The following PLG variants were observed in gnomAD, a reference collection of about 807,000 sequenced individuals.
PLG encodes the protein plasmin.
PLG carries 41 observed loss-of-function variants against 104.4 expected under a neutral mutation model. That is an observed-to-expected ratio of 0.39 (90% CI 0.31 to 0.51). The LOEUF (loss-of-function observed/expected upper bound fraction) is 0.51. Ranked by LOEUF, PLG falls within the 20% of genes least tolerant of loss-of-function variation. PLG has a pLI of 0.76. For synonymous variants in PLG, 337 were observed against 357.1 expected, an observed-to-expected ratio of 0.94 and a Z score of 0.63; for missense variants, 891 against 1,003.6, an observed-to-expected ratio of 0.89 and a Z score of 1.52.
chr6:160,709,677 C>T (rs1380954975), intron 3 of PLG, among the ~76,000 whole-genome samples: 1 of 152,182 alleles, frequency 6.6e-6, no homozygotes, highest in Non-Finnish European at 1.5e-5. Context: ...TCTTCCTTGA[C>T]CCCTAGACCT....
intron 17 of PLG, among the ~76,000 whole-genome samples, chr6:160,743,018 T>C (rs1778221235): frequency 2.0e-5 from 3 of 151,448 alleles, no homozygotes; most frequent in South Asian, 4.2e-4. Context: ...TGTCTTTTTT[T>C]TTTTTTTTTT....
At chr6:160,722,787 A>G (rs1358941632) in intron 10 of PLG, among the ~76,000 whole-genome samples, 1 of 152,172 alleles carries the variant, frequency 6.6e-6, no homozygotes, top group Non-Finnish European at 1.5e-5. Flanking sequence ...TGGATGCAGG[A>G]GGACATCTGG....
rs566852719 is a variant in PLG, at chr6:160,738,021, C to G, written c.1803-517C>G. On this transcript the variant is annotated intron_variant, in intron 14 of 18. Coordinates refer to ENST00000308192, the MANE Select transcript of PLG (RefSeq NM_000301.5). The surrounding 1 kb of genome is among the most constrained non-coding windows in gnomAD (Gnocchi z 6.8). The stretch of plus-strand genomic sequence containing the variant: ...ATTATTCTGAGCTATTACCTGCCTA[C>G]GCAGTCCTAGAAAGTAAGTGATTCA... Among the ~76,000 whole-genome samples, 4 of 152,154 alleles carry G rather than the reference C, an allele frequency of 2.6e-5. No individual in the cohort carries two copies. Among genetic ancestry groups the G allele is most frequent in the African/African-American group, 4.8e-5 (2 of 41,420 alleles).
In PLG at chr6:160,726,175, A is replaced by G. The variant is rs1309560893; in HGVS notation, c.1256+3608A>G. Among the ~76,000 whole-genome samples, 1 of 152,144 alleles carries G rather than the reference A, an allele frequency of 6.6e-6. No individual in the cohort carries two copies. The highest frequency in any genetic ancestry group is 1.5e-5 in the Non-Finnish European group (1 of 67,970). On this transcript the variant is annotated intron_variant, in intron 10 of 18. Transcript: ENST00000308192. This position sits in a 1 kb window ranked among gnomAD's most constrained non-coding sequence, Gnocchi z 4.4. ...TCAAGTATGCATGGAGCATTCCCCA[A>G]CATATACCATATGTGTGGGCCTACA...
chr6:160,712,040 A>C, intron 4 of PLG: 3 of 518,816 alleles, frequency 5.8e-6, no homozygotes, highest in Non-Finnish European at 8.3e-6. Context: ...AACACTCAAC[A>C]AATTGCCTTT....
intron 17 of PLG, among the ~76,000 whole-genome samples, chr6:160,748,374 A>AAGAGAGAGAAAG (rs1331475547): frequency 1.6e-4 from 9 of 55,370 alleles, no homozygotes; most frequent in African/African-American, 5.3e-4. Context: ...GAAAGAAAGA[A>AAGAGAGAGAAAG]AGAAAGAAAG....
chr6:160,725,956 G>A lies in PLG; in HGVS notation c.1256+3389G>A, dbSNP rs902642712. On this transcript the variant is annotated intron_variant, in intron 10 of 18. Transcript: ENST00000308192. The surrounding 1 kb of genome is among the most constrained non-coding windows in gnomAD (Gnocchi z 6.3). ...CCTTCTGATATATGAAGCAAACACT[G>A]ACAGAACTGAAGAGACAAACAGATA... 6.6e-6 allele frequency among the ~76,000 whole-genome samples: 1 copy of A among 152,110 alleles called. No homozygotes were observed. Among genetic ancestry groups the A allele is most frequent in the Non-Finnish European group, 1.5e-5 (1 of 67,992 alleles).
intron 17 of PLG, among the ~76,000 whole-genome samples, chr6:160,742,145 A>G (rs1778207353): frequency 6.6e-6 from 1 of 152,244 alleles, no homozygotes; most frequent in African/African-American, 2.4e-5. Context: ...TCTTTAGGGT[A>G]GAATGATTTA....
Position 160,722,423 on chromosome 6 carries a change from C to A in PLG, c.1112C>A (p.Thr371Asn), listed in dbSNP as rs780940385. The change falls in exon 10 of 19, where the codon ACC (threonine) becomes AAC (asparagine). Residue 371 changes from threonine (T) to asparagine (N), a missense_variant. Thr to Asn is a moderately conservative substitution (Grantham distance 65). Around this residue, in one of 2 missense-constraint regions of PLG, gnomAD observed 854 missense variants for 932.1 expected, o/e 0.92. Coordinates refer to ENST00000308192, the MANE Select transcript of PLG (RefSeq NM_000301.5). ...QLAPTAPPEL[T>N]PVVQDCYHGD... Reference sequence around the variant, plus strand: ...TTAATTTCAGCACCACCTGAGCTAACCCCTGTGGTCCAGGACTGCTACCAT... The same window carrying A: ...TTAATTTCAGCACCACCTGAGCTAAACCCTGTGGTCCAGGACTGCTACCAT... 1.5e-5 allele frequency: 24 copies of A among 1,611,736 alleles called. No individual in the cohort carries two copies. Among genetic ancestry groups the A allele is most frequent in the Non-Finnish European group, 1.9e-5 (22 of 1,178,036 alleles).
At position 160,725,278 on chromosome 6, in the gene PLG, A is replaced by T. The variant is rs1000889091; in HGVS notation, c.1256+2711A>T. ...ACTTGAAGCAAAATGATAGCAATGT[A>T]TTGCTACTTTAACATATGTAAAAGT... is the stretch of plus-strand genomic sequence containing the variant. On this transcript the variant is annotated intron_variant, in intron 10 of 18. Coordinates refer to ENST00000308192, the MANE Select transcript of PLG (RefSeq NM_000301.5). This position sits in a 1 kb window ranked among gnomAD's most constrained non-coding sequence, Gnocchi z 6.3. Among the ~76,000 whole-genome samples the T allele has an allele frequency of 1.3e-5, 2 of 152,188 alleles. No homozygotes were observed. Among genetic ancestry groups the T allele is most frequent in the Non-Finnish European group, 2.9e-5 (2 of 68,038 alleles).
Position 160,741,936 on chromosome 6 carries a change from GT to G in PLG, c.2125+523del, listed in dbSNP as rs1778203753. 6.6e-6 allele frequency among the ~76,000 whole-genome samples: 1 copy of G among 152,146 alleles called. No homozygotes were observed. Among genetic ancestry groups the G allele is most frequent in the Non-Finnish European group, 1.5e-5 (1 of 68,028 alleles). On this transcript the variant is annotated intron_variant, in intron 17 of 18. Transcript: ENST00000308192. This position sits in a 1 kb window ranked among gnomAD's most constrained non-coding sequence, Gnocchi z 4.7. ...TATTTGGTTTTCTGTTCCTGTGTTAGTTTTCTAAGAATAACGGCCTCCAGCT... is the reference window on the plus strand; with the variant it reads ...TATTTGGTTTTCTGTTCCTGTGTTAGTTTCTAAGAATAACGGCCTCCAGCT...
intron 17 of PLG, among the ~76,000 whole-genome samples, chr6:160,746,060 T>C (rs556216399): frequency 6.6e-6 from 1 of 152,226 alleles, no homozygotes; most frequent in African/African-American, 2.4e-5. Flanking sequence ...CCTTTAACAT[T>C]CTGTCTTTCA....
rs947407489 is a variant in PLG at position 160,735,265 on chromosome 6, G to T, written c.1681+1177G>T. 2.6e-5 allele frequency among the ~76,000 whole-genome samples: 4 copies of T among 152,016 alleles called. No individual in the cohort carries two copies. The highest frequency in any genetic ancestry group is 6.5e-5 in the Admixed American group (1 of 15,270). ...TACACACCACTGCCTCTCACTGCCC[G>T]GGCTCTCTATCCTTGACAGGCTGCC... On this transcript the variant is annotated intron_variant, in intron 13 of 18. Coordinates refer to ENST00000308192, the MANE Select transcript of PLG (RefSeq NM_000301.5). The surrounding 1 kb of genome is among the most constrained non-coding windows in gnomAD (Gnocchi z 5.4).
At chr6:160,745,382 A>ACCCTTTAT (rs1778261430) in intron 17 of PLG, among the ~76,000 whole-genome samples, 1 of 96,914 alleles carries the variant, frequency 1.0e-5, no homozygotes, top group African/African-American at 3.0e-5. Flanking sequence ...TTTGAATTGA[A>ACCCTTTAT]CCCTTTACCA....
rs4252132 is a variant in PLG at position 160,732,325 on chromosome 6, T to G, written c.1587+432T>G. Among the ~76,000 whole-genome samples, 2,174 of 152,290 alleles carry G rather than the reference T, an allele frequency of 0.014. 54 individuals carry two copies. The highest frequency in any genetic ancestry group is 0.049 in the African/African-American group (2,034 of 41,558). ...AGCCTCATGCATTCTCTGCGATGGT[T>G]TACTTTGGGGCCTATGAATAGGGAA... is the stretch of plus-strand genomic sequence containing the variant. On this transcript the variant is annotated intron_variant, in intron 12 of 18. Coordinates refer to ENST00000308192, the MANE Select transcript of PLG (RefSeq NM_000301.5). This position sits in a 1 kb window ranked among gnomAD's most constrained non-coding sequence, Gnocchi z 4.5.
chr6:160,747,673 A>G (rs1201355387), intron 17 of PLG, among the ~76,000 whole-genome samples: 1 of 152,166 alleles, frequency 6.6e-6, no homozygotes, highest in African/African-American at 2.4e-5. Context: ...AATGGTCTAG[A>G]TGATTTCAAA....
At position 160,744,719 on chromosome 6, in the gene PLG, CTT is replaced by C. The variant is rs1393116286; in HGVS notation, c.2125+3303_2125+3304del. 1.3e-5 allele frequency among the ~76,000 whole-genome samples: 2 copies of C among 152,030 alleles called. No individual in the cohort carries two copies. Among genetic ancestry groups the C allele is most frequent in the Admixed American group, 6.6e-5 (1 of 15,248 alleles). ...CTGCTAGCTTTGGGGTTGATTTGCT[CTT>C]GTTTCTCTAATTTTTTCCATTGTGA... On this transcript the variant is annotated intron_variant, in intron 17 of 18. Transcript: ENST00000308192. This position sits in a 1 kb window ranked among gnomAD's most constrained non-coding sequence, Gnocchi z 4.5.
rs148432914 is a variant in PLG, at chr6:160,707,261, C to A, written c.186-439C>A. Among the ~76,000 whole-genome samples the A allele has an allele frequency of 1.1e-4, 17 of 151,838 alleles. No homozygotes were observed. In the East Asian group the frequency reaches 3.3e-3, roughly 29 times the overall value. ...AGACTGAGCACCCATAGCAGGACCA[C>A]GGGATGGAGATGGGAGGGGTCAGGG... On this transcript the variant is annotated intron_variant, in intron 2 of 18. Transcript: ENST00000308192.
At chr6:160,748,362 AAG>A (rs1350820392) in intron 17 of PLG, among the ~76,000 whole-genome samples, 7 of 37,118 alleles carry the variant, frequency 1.9e-4, no homozygotes, top group African/African-American at 5.6e-4. Context: ...GAAAGAAAGA[AAG>A]AAAGAAAGAA....
Sources: gnomAD v4.1 joint callset for allele counts (sites outside exome capture counted in the v4.1 genomes callset) on GRCh38, gnomAD v4.1.1 for gene constraint, gnomAD v4.1.1 regional missense constraint, Gnocchi (gnomAD v3.1) non-coding constraint, MANE v1.5 for transcripts, NCBI Gene and HGNC (gene_info 2026-07-23, HGNC 2026-07-21) for gene names.